HRH1: variants seen among roughly 807,000 people sequenced by gnomAD.
HRH1 encodes histamine receptor H1.
Under a neutral mutation model 10.3 loss-of-function variants are expected in HRH1, and 6 were observed. The ratio of observed to expected loss-of-function variants is 0.58; its 90% CI spans 0.32 to 1.15. The LOEUF (loss-of-function observed/expected upper bound fraction) is 1.15, where lower values mean the gene tolerates loss of function less well. HRH1 is among the 50% of genes most tolerant of loss of function. The pLI, the probability that HRH1 is intolerant of heterozygous loss-of-function variation, is 0.05. For missense variants in HRH1, 514 were observed against 615.3 expected (o/e 0.84, Z 1.74); for synonymous variants, 242 against 236.7 (o/e 1.02, Z -0.21).
chr3:11,204,696 A>G (rs936030218), intron 1 of HRH1, among the ~76,000 whole-genome samples: 1 of 152,250 alleles, frequency 6.6e-6, no homozygotes, highest in African/African-American at 2.4e-5. Flanking sequence ...TGATCCCTGC[A>G]GCTACCCCAT....
intron 1 of HRH1, among the ~76,000 whole-genome samples, chr3:11,182,700 AG>A (rs1937381091): frequency 6.6e-6 from 1 of 152,170 alleles, no homozygotes; most frequent in Non-Finnish European, 1.5e-5. Context: ...AAGCTTCTCC[AG>A]TGTGGTAAGC....
chr3:11,228,500 A>T (rs1365055965), intron 1 of HRH1, among the ~76,000 whole-genome samples: 2 of 152,164 alleles, frequency 1.3e-5, no homozygotes, highest in Admixed American at 6.6e-5. Flanking sequence ...TCTGTTCATG[A>T]TTCCAATGTG....
chr3:11,162,496 G>A (rs1936946700), intron 1 of HRH1, among the ~76,000 whole-genome samples: 1 of 151,154 alleles, frequency 6.6e-6, no homozygotes, highest in South Asian at 2.1e-4. Flanking sequence ...AGTACTGTCT[G>A]TTGAGAAAGC....
At chr3:11,162,213 T>C (rs1202755430) in intron 1 of HRH1, among the ~76,000 whole-genome samples, 1 of 152,168 alleles carries the variant, frequency 6.6e-6, no homozygotes. Flanking sequence ...TCAGATTCAC[T>C]CATAGATACA....
At chr3:11,206,263 A>G (rs1446898486) in intron 1 of HRH1, among the ~76,000 whole-genome samples, 2 of 152,206 alleles carry the variant, frequency 1.3e-5, no homozygotes, top group Non-Finnish European at 2.9e-5. Context: ...GACTACAGGC[A>G]CACGCCAACA....
intron 1 of HRH1, among the ~76,000 whole-genome samples, chr3:11,194,689 C>T (rs2125023323): frequency 6.6e-6 from 1 of 152,192 alleles, no homozygotes; most frequent in Non-Finnish European, 1.5e-5. Flanking sequence ...GTGGCGTGCA[C>T]CTGTAATCCC....
intron 1 of HRH1, among the ~76,000 whole-genome samples, chr3:11,227,561 C>T (rs751436512): frequency 3.3e-5 from 5 of 152,172 alleles, no homozygotes; most frequent in Non-Finnish European, 7.4e-5. Flanking sequence ...GCTGGGATTA[C>T]AGACGTGAGC....
intron 1 of HRH1, among the ~76,000 whole-genome samples, chr3:11,257,626 C>T (rs535557950): frequency 1.1e-4 from 17 of 151,978 alleles, no homozygotes; most frequent in East Asian, 1.9e-4. Context: ...CCCAACCACC[C>T]GACTTGAGTA....
At chr3:11,171,358 C>T (rs1937147618) in intron 1 of HRH1, among the ~76,000 whole-genome samples, 1 of 152,138 alleles carries the variant, frequency 6.6e-6, no homozygotes, top group East Asian at 1.9e-4. Flanking sequence ...TCAAGTGATC[C>T]ACCTACCTTG....
Position 11,237,240 on chromosome 3 carries a change from G to T in HRH1, c.-35-21763G>T, listed in dbSNP as rs1407839384. 2.0e-5 allele frequency among the ~76,000 whole-genome samples: 3 copies of T among 152,216 alleles called. No homozygotes were observed. The East Asian group carries it at 5.8e-4, about 29-fold the overall frequency. ...ATTTTCCTCTTTTCACAGTGAAAAA[G>T]AGGATGATGTATTCACTGTATCCTT... is the stretch of plus-strand genomic sequence containing the variant. On this transcript the variant is annotated intron_variant, in intron 1 of 1. Transcript: ENST00000431010.
At chr3:11,240,465 C>T (rs1280182690) in intron 1 of HRH1, among the ~76,000 whole-genome samples, 2 of 151,916 alleles carry the variant, frequency 1.3e-5, no homozygotes, top group Non-Finnish European at 2.9e-5. Flanking sequence ...CTCCAGGTTG[C>T]CCCGATCCCT....
chr3:11,204,184 T>A (rs940973749), intron 1 of HRH1, among the ~76,000 whole-genome samples: 2 of 152,086 alleles, frequency 1.3e-5, no homozygotes, highest in African/African-American at 4.8e-5. Context: ...TAAACAGACA[T>A]GAATGGGACC....
intron 1 of HRH1, among the ~76,000 whole-genome samples, chr3:11,241,334 T>A (rs1939330790): frequency 6.6e-6 from 1 of 152,252 alleles, no homozygotes; most frequent in Admixed American, 6.5e-5. Context: ...TAATTGCTGG[T>A]GCTCTGTAAT....
chr3:11,160,886 G>A (rs1936908570), intron 1 of HRH1, among the ~76,000 whole-genome samples: 1 of 152,224 alleles, frequency 6.6e-6, no homozygotes, highest in South Asian at 2.1e-4. Context: ...GATTGAGAAA[G>A]GTTTTGATAA....
upstream of HRH1, among the ~76,000 whole-genome samples, chr3:11,152,956 G>C (rs1317907577): frequency 4.6e-5 from 7 of 152,088 alleles, no homozygotes; most frequent in African/African-American, 1.7e-4. Context: ...CAAGGCCAAA[G>C]TCTCATATCA....
chr3:11,242,393 A>G (rs1341400389), intron 1 of HRH1, among the ~76,000 whole-genome samples: 4 of 146,904 alleles, frequency 2.7e-5, no homozygotes, highest in African/African-American at 7.5e-5. Flanking sequence ...GTGTCAGGAG[A>G]ATGGTGTGAA....
At position 11,260,428 on chromosome 3, in the gene HRH1, AC is replaced by A; in HGVS notation, c.1396del (p.Leu466SerfsTer88). On this transcript the variant is annotated frameshift_variant, in exon 2 of 2. Transcript: ENST00000431010. LOFTEE classifies it high-confidence loss of function. Reference sequence around the variant, plus strand: ...CTGGGCTACATCAACTCCACACTGAACCCCCTCATCTACCCCTTGTGCAATG... The same window carrying A: ...CTGGGCTACATCAACTCCACACTGAACCCCTCATCTACCCCTTGTGCAATG... ...IWLGYINSTL[N>X]PLIYPLCNEN... 7 of 1,613,684 alleles carry A rather than the reference AC, an allele frequency of 4.3e-6. No homozygotes were observed. The highest frequency in any genetic ancestry group is 5.9e-6 in the Non-Finnish European group (7 of 1,179,818).
chr3:11,241,599 C>T (rs564294095), intron 1 of HRH1, among the ~76,000 whole-genome samples: 5 of 151,926 alleles, frequency 3.3e-5, no homozygotes, highest in East Asian at 1.9e-4. Context: ...TTTGGCAGGC[C>T]GAGGCGGGTG....
At chr3:11,193,890 G>A (rs1937594389) in intron 1 of HRH1, among the ~76,000 whole-genome samples, 1 of 152,206 alleles carries the variant, frequency 6.6e-6, no homozygotes, top group African/African-American at 2.4e-5. Context: ...TTAAGCAGCT[G>A]GATAGGGAGA....
Sources: allele counts gnomAD v4.1 joint callset (sites outside exome capture counted in the v4.1 genomes callset), GRCh38; gene constraint gnomAD v4.1.1; transcripts MANE v1.5; gene names NCBI Gene and HGNC (gene_info 2026-07-23, HGNC 2026-07-21).